Variants in MTCL1 observed in about 807,000 individuals in gnomAD.
The protein encoded by MTCL1 is microtubule cross-linking factor 1.
Under a neutral mutation model 141.4 loss-of-function variants are expected in MTCL1, and 79 were observed. The ratio of observed to expected loss-of-function variants is 0.56; its 90% CI spans 0.47 to 0.67. The LOEUF (loss-of-function observed/expected upper bound fraction) is 0.67, where lower values mean the gene tolerates loss of function less well. MTCL1 is among the 30% of genes least tolerant of loss of function. The pLI is 0.00. For synonymous variants in MTCL1, 914 were observed against 875.8 expected, an observed-to-expected ratio of 1.04 and a Z score of -0.77; for missense variants, 2,177 against 2,113.9, an observed-to-expected ratio of 1.03 and a Z score of -0.59.
intron 1 of MTCL1, among the ~76,000 whole-genome samples, chr18:8,710,549 T>A (rs1226536649): frequency 6.6e-6 from 1 of 151,222 alleles, no homozygotes; most frequent in Non-Finnish European, 1.5e-5. Context: ...ACAAAACTGT[T>A]GAAAGTGTAC....
chr18:8,812,816 G>A (rs1281607440), intron 11 of MTCL1, 163 bp from the exon 11 acceptor site: 6 of 823,844 alleles, frequency 7.3e-6, no homozygotes, highest in Non-Finnish European at 1.1e-5. Context: ...TGTGTCAAAC[G>A]CTCTTAATTA....
At chr18:8,806,951 C>T (rs907901357) in exon 11 of MTCL1, 12 of 1,613,652 alleles carry the variant, frequency 7.4e-6, no homozygotes, top group East Asian at 2.2e-5. Context: ...GACTTCCGTG[C>T]GGAGCTGCGG....
chr18:8,784,666 G>A (rs2096544744), exon 6 of MTCL1: 2 of 1,614,038 alleles, frequency 1.2e-6, no homozygotes, highest in Admixed American at 3.3e-5. Flanking sequence ...TCAACGCCAA[G>A]ATGAAGGCTT....
At chr18:8,775,648 G>A (rs544159971) in intron 4 of MTCL1, among the ~76,000 whole-genome samples, 1 of 152,270 alleles carries the variant, frequency 6.6e-6, no homozygotes, top group Non-Finnish European at 1.5e-5. Context: ...CTTATTAAGG[G>A]TGGAGAAACT....
At chr18:8,829,707 A>C in intron 16 of MTCL1, 1 of 985,320 alleles carries the variant, frequency 1.0e-6, no homozygotes, top group Non-Finnish European at 1.2e-6. Context: ...CAACAGATGT[A>C]TCCCCATGAA....
At chr18:8,796,283 A>G (rs758726355) in exon 9 of MTCL1, 5 of 1,614,206 alleles carry the variant, frequency 3.1e-6, no homozygotes, top group Non-Finnish European at 4.2e-6. Flanking sequence ...GGAAATGCAC[A>G]GCCTGGCTTT....
Position 8,828,011 on chromosome 18 carries a change from G to A in MTCL1, c.4723-897G>A, listed in dbSNP as rs1313363854. On this transcript the variant is annotated intron_variant, in intron 15 of 16. Coordinates refer to ENST00000359865, the Ensembl canonical transcript of MTCL1. The surrounding 1 kb of genome is among the most constrained non-coding windows in gnomAD (Gnocchi z 5.2). Reference sequence around the variant, plus strand: ...TCAGAGCGGGCATGGAGCACTCATCGGCAGCATCTAAATGCCACGGGCTCT... The same window carrying A: ...TCAGAGCGGGCATGGAGCACTCATCAGCAGCATCTAAATGCCACGGGCTCT... 1.3e-5 allele frequency among the ~76,000 whole-genome samples: 2 copies of A among 152,186 alleles called. No homozygotes were observed. Among genetic ancestry groups the A allele is most frequent in the African/African-American group, 4.8e-5 (2 of 41,440 alleles).
chr18:8,796,412 C>T (rs908629190), exon 9 of MTCL1: 1 of 1,614,200 alleles, frequency 6.2e-7, no homozygotes, highest in Non-Finnish European at 8.5e-7. Context: ...GCTGCTGAAA[C>T]ACTGGCGGCA....
intron 4 of MTCL1, among the ~76,000 whole-genome samples, chr18:8,759,485 T>G (rs1417541109): frequency 2.0e-5 from 3 of 152,206 alleles, no homozygotes; most frequent in Non-Finnish European, 4.4e-5. Context: ...CTTAATCCTT[T>G]CCCGCTGTGC....
chr18:8,748,621 A>T (rs756791269), intron 4 of MTCL1, among the ~76,000 whole-genome samples: 1 of 152,100 alleles, frequency 6.6e-6, no homozygotes, highest in African/African-American at 2.4e-5. Flanking sequence ...TATTCTGAAT[A>T]TATATATTCG....
chr18:8,799,219 A>T (rs2076032595), intron 10 of MTCL1, among the ~76,000 whole-genome samples: 1 of 152,188 alleles, frequency 6.6e-6, no homozygotes, highest in Admixed American at 6.5e-5. Context: ...CAGGCTCCCG[A>T]AGCCCAGAGC....
chr18:8,786,383 T>C, intron 7 of MTCL1: 1 of 627,974 alleles, frequency 1.6e-6, no homozygotes, highest in Non-Finnish European at 3.0e-6. Context: ...GGCTGATTGG[T>C]GAGTGCGCAG....
chr18:8,746,892 C>T (rs1255995160), intron 4 of MTCL1, among the ~76,000 whole-genome samples: 1 of 152,168 alleles, frequency 6.6e-6, no homozygotes, highest in Non-Finnish European at 1.5e-5. Flanking sequence ...GGAGTGGGGG[C>T]AGTTCTATTC....
At chr18:8,792,006 G>T (rs944849518) in intron 7 of MTCL1, among the ~76,000 whole-genome samples, 35 of 152,066 alleles carry the variant, frequency 2.3e-4, no homozygotes, top group African/African-American at 8.5e-4. Flanking sequence ...CTGTTCTTGG[G>T]TATGATCTTC....
At position 8,705,896 on chromosome 18, in the gene MTCL1, A is replaced by G. The variant is rs2148730204; in HGVS notation, c.236A>G (p.Asn79Ser). 3.6e-6 allele frequency: 4 copies of G among 1,104,958 alleles called. No homozygotes were observed. Among genetic ancestry groups the G allele is most frequent in the Non-Finnish European group, 4.4e-6 (4 of 907,658 alleles). The allele number at this position is 1,104,958 out of a possible 1,614,324, so 68.4% of individuals were successfully genotyped here. Residue 79 changes from asparagine to serine, a missense_variant, in exon 1 of 14, where the codon AAC becomes AGC. Asn to Ser is a conservative substitution (Grantham distance 46). Coordinates refer to the MTCL1 transcript ENST00000306329. The surrounding 1 kb of genome is among the most constrained non-coding windows in gnomAD (Gnocchi z 5.2). The stretch of plus-strand genomic sequence containing the variant: ...GCTCCCGCCGCCCCGCGCTCGCCCA[A>G]CCTCGCGGGCAAAGCGCCGCCCTCG...
intron 4 of MTCL1, among the ~76,000 whole-genome samples, chr18:8,747,542 C>T (rs1424274151): frequency 6.6e-6 from 1 of 152,204 alleles, no homozygotes; most frequent in Non-Finnish European, 1.5e-5. Flanking sequence ...GCTGCCTTCT[C>T]TGTGTGTGTG....
chr18:8,737,068 C>G (rs1225033990), intron 4 of MTCL1, among the ~76,000 whole-genome samples: 1 of 152,176 alleles, frequency 6.6e-6, no homozygotes, highest in Non-Finnish European at 1.5e-5. Context: ...CCAGAAGACT[C>G]CAGAAGACAC....
In MTCL1 at chr18:8,799,618, A is replaced by G. The variant is rs182218555; in HGVS notation, c.2436+1327A>G. Among the ~76,000 whole-genome samples the G allele has an allele frequency of 1.3e-3, 198 of 152,328 alleles. 1 individual carries two copies. The highest frequency in any genetic ancestry group is 2.1e-3 in the Non-Finnish European group (141 of 68,016). Reference sequence around the variant, plus strand: ...TACTAATTTTACTTTTTGAAAAGAAATGTTGTCATTCAATCCCATAAAGCA... The same window carrying G: ...TACTAATTTTACTTTTTGAAAAGAAGTGTTGTCATTCAATCCCATAAAGCA... On this transcript the variant is annotated intron_variant, in intron 10 of 16. Transcript: ENST00000359865.
chr18:8,793,541 T>C (rs942018274), intron 8 of MTCL1, among the ~76,000 whole-genome samples: 1 of 152,250 alleles, frequency 6.6e-6, no homozygotes, highest in African/African-American at 2.4e-5. Flanking sequence ...CAACTTGAGC[T>C]GTGGCCTCAT....
Sources: gnomAD v4.1 joint callset for allele counts (sites outside exome capture counted in the v4.1 genomes callset) on GRCh38, gnomAD v4.1.1 for gene constraint, Gnocchi (gnomAD v3.1) non-coding constraint, MANE v1.5 for transcripts, NCBI Gene and HGNC (gene_info 2026-07-23, HGNC 2026-07-21) for gene names.